LRBA: variants seen among roughly 807,000 people sequenced by gnomAD.
The protein encoded by LRBA is LPS responsive beige-like anchor protein.
In LRBA, 176 loss-of-function variants were observed where a neutral mutation model predicts 330.0. That is an observed-to-expected ratio of 0.53 (90% CI 0.47 to 0.60). The LOEUF (loss-of-function observed/expected upper bound fraction) is 0.60, where lower values mean the gene tolerates loss of function less well. LRBA is among the 20% of genes least tolerant of loss of function. The pLI, the probability that LRBA is intolerant of heterozygous loss-of-function variation, is 0.00. For synonymous variants in LRBA, 1,230 were observed against 1,193.0 expected, an observed-to-expected ratio of 1.03 and a Z score of -0.64; for missense variants, 3,259 against 3,444.8, an observed-to-expected ratio of 0.95 and a Z score of 1.35.
In LRBA at chr4:150,265,695, G is replaced by A; in HGVS notation, c.*27C>T. 7.0e-7 allele frequency: 1 copy of A among 1,433,076 alleles called. No individual in the cohort carries two copies. The highest frequency in any genetic ancestry group is 9.9e-7 in the Non-Finnish European group (1 of 1,014,806). 88.8% of individuals were successfully genotyped at this position (1,433,076 alleles called of 1,614,324 possible). ...TCCAGGTACTTCTGCTCATCCTAGG[G>A]GCAGAGTTGATGTACAGCTGTCACC... On this transcript the variant is annotated 3_prime_UTR_variant, in exon 57 of 57. Transcript: ENST00000651943.
intron 37 of LRBA, among the ~76,000 whole-genome samples, chr4:150,626,131 G>A (rs1718053522): frequency 6.6e-6 from 1 of 151,996 alleles, no homozygotes; most frequent in South Asian, 2.1e-4. Context: ...GAGCAGCTGT[G>A]GAAACTTGGG....
chr4:150,754,638 G>C (rs1734046651), intron 35 of LRBA, among the ~76,000 whole-genome samples: 1 of 150,944 alleles, frequency 6.6e-6, no homozygotes. Context: ...CTGTTTACAA[G>C]ATGTAATTAA....
At chr4:150,964,149 G>C (rs1009966834) in intron 2 of LRBA, among the ~76,000 whole-genome samples, 2 of 147,868 alleles carry the variant, frequency 1.4e-5, no homozygotes, top group Admixed American at 6.6e-5. Context: ...CGCCCGGCCA[G>C]CTGCCCCGTC....
At chr4:150,489,014 TTA>T (rs1009401279) in intron 41 of LRBA, among the ~76,000 whole-genome samples, 1 of 116,782 alleles carries the variant, frequency 8.6e-6, no homozygotes, top group Non-Finnish European at 1.6e-5. Flanking sequence ...ATATAATATA[TTA>T]TATATAAGAA....
intron 40 of LRBA, among the ~76,000 whole-genome samples, chr4:150,520,858 C>T (rs1762853306): frequency 6.6e-6 from 1 of 152,004 alleles, no homozygotes; most frequent in East Asian, 1.9e-4. Flanking sequence ...AATAGTATAC[C>T]TATTGTATAC....
intron 35 of LRBA, among the ~76,000 whole-genome samples, chr4:150,745,424 G>A (rs1052044788): frequency 2.9e-5 from 1 of 34,082 alleles, no homozygotes; most frequent in East Asian, 8.4e-4. Flanking sequence ...GCATGAAGAT[G>A]AGCCTTAAAG....
chr4:150,849,381 C>G, intron 25 of LRBA, 41 bp downstream of exon 25: 1 of 1,594,654 alleles, frequency 6.3e-7, no homozygotes, highest in Non-Finnish European at 8.6e-7. Flanking sequence ...GCATAACACT[C>G]ATGTTTTCAC....
intron 31 of LRBA, among the ~76,000 whole-genome samples, chr4:150,809,230 C>T (rs568532332): frequency 6.6e-6 from 1 of 152,288 alleles, no homozygotes; most frequent in South Asian, 2.1e-4. Context: ...CAAACATACA[C>T]ACACACAAAC....
At chr4:150,767,963 C>A (rs1175322497) in intron 34 of LRBA, among the ~76,000 whole-genome samples, 1 of 146,852 alleles carries the variant, frequency 6.8e-6, no homozygotes, top group Non-Finnish European at 1.5e-5. Flanking sequence ...ACTCAAGAGG[C>A]TGAGGCAGAA....
At chr4:150,575,954 T>C (rs1770482464) in intron 40 of LRBA, among the ~76,000 whole-genome samples, 1 of 151,876 alleles carries the variant, frequency 6.6e-6, no homozygotes, top group South Asian at 2.1e-4. Context: ...CTGGAAGTGA[T>C]GTTAAAGGCC....
At chr4:150,982,816 T>G (rs760422749) in intron 2 of LRBA, among the ~76,000 whole-genome samples, 3 of 152,184 alleles carry the variant, frequency 2.0e-5, no homozygotes, top group Non-Finnish European at 4.4e-5. Context: ...ATGAATGTAA[T>G]GGAACAAATT....
In LRBA at chr4:150,897,730, T is replaced by C. The variant is rs768948629; in HGVS notation, c.2004+9A>G. 1.3e-6 allele frequency: 2 copies of C among 1,598,526 alleles called. No individual in the cohort carries two copies. Among genetic ancestry groups the C allele is most frequent in the Non-Finnish European group, 1.7e-6 (2 of 1,166,602 alleles). On this transcript the variant is annotated intron_variant, in intron 15 of 56. Transcript: ENST00000651943. The stretch of plus-strand genomic sequence containing the variant: ...ACGGTATGCTATGGAATAAGCAACG[T>C]GAACTCACCTTCATCACTAATTGCT...
At chr4:150,605,037 A>T (rs1774493376) in intron 37 of LRBA, among the ~76,000 whole-genome samples, 1 of 152,216 alleles carries the variant, frequency 6.6e-6, no homozygotes. Context: ...TAAGTACATA[A>T]GAGAAATATT....
intron 17 of LRBA, among the ~76,000 whole-genome samples, chr4:150,890,580 G>A (rs1466627566): frequency 2.0e-5 from 3 of 152,158 alleles, no homozygotes; most frequent in Non-Finnish European, 4.4e-5. Flanking sequence ...TGATTAAAGA[G>A]TAAGATTGGA....
chr4:150,414,997 AT>A (rs745950207), intron 47 of LRBA, among the ~76,000 whole-genome samples: 1 of 152,222 alleles, frequency 6.6e-6, no homozygotes, highest in Non-Finnish European at 1.5e-5. Context: ...TAACATTTTC[AT>A]ATTCTCAATA....
intron 40 of LRBA, among the ~76,000 whole-genome samples, chr4:150,564,978 C>T (rs1768935813): frequency 6.6e-6 from 1 of 152,108 alleles, no homozygotes; most frequent in Non-Finnish European, 1.5e-5. Context: ...TGTGGTGATT[C>T]CTCAAGGATC....
In LRBA at chr4:150,422,125, C is replaced by G. The variant is rs1181569717; in HGVS notation, c.7042-6535G>C. 5.3e-5 allele frequency among the ~76,000 whole-genome samples: 8 copies of G among 152,076 alleles called. No homozygotes were observed. The East Asian group carries it at 1.2e-3, about 22-fold the overall frequency. On this transcript the variant is annotated intron_variant, in intron 46 of 56. Coordinates refer to ENST00000651943, the MANE Select transcript of LRBA (RefSeq NM_001364905.1). ...AAGTAAACAAAAATCAGTCGGGCATCATGGCATATGTCTGTAGTCCCAGCT... is the reference window on the plus strand; with the variant it reads ...AAGTAAACAAAAATCAGTCGGGCATGATGGCATATGTCTGTAGTCCCAGCT...
intron 47 of LRBA, among the ~76,000 whole-genome samples, chr4:150,409,819 C>T (rs563818561): frequency 5.3e-5 from 8 of 152,142 alleles, no homozygotes; most frequent in Non-Finnish European, 1.2e-4. Context: ...AATTACATAT[C>T]ACGGCTAAAA....
intron 22 of LRBA, among the ~76,000 whole-genome samples, chr4:150,862,955 G>A (rs1335920749): frequency 2.0e-5 from 3 of 151,628 alleles, no homozygotes; most frequent in African/African-American, 7.3e-5. Context: ...TTCCAGCCAG[G>A]GTGACAGAGC....
Sources: allele counts gnomAD v4.1 joint callset (sites outside exome capture counted in the v4.1 genomes callset), GRCh38; gene constraint gnomAD v4.1.1; transcripts MANE v1.5; gene names NCBI Gene and HGNC (gene_info 2026-07-23, HGNC 2026-07-21).